The following CACNA1A variants were observed in gnomAD, a reference collection of about 807,000 sequenced individuals.
The protein encoded by CACNA1A is voltage-dependent P/Q-type calcium channel subunit alpha-1A.
In CACNA1A, 57 loss-of-function variants were observed where a neutral mutation model predicts 262.4. The ratio of observed to expected loss-of-function variants is 0.22; its 90% CI spans 0.18 to 0.27. The LOEUF (loss-of-function observed/expected upper bound fraction) is 0.27, where lower values mean the gene tolerates loss of function less well. CACNA1A is among the 10% of genes least tolerant of loss of function. The probability of loss-of-function intolerance (pLI) is 1.00; values close to 1 mark genes in which losing one functional copy is unlikely to be tolerated. For synonymous variants in CACNA1A, 1,431 were observed against 1,419.3 expected (o/e 1.01, Z -0.18); for missense variants, 2,526 against 3,562.8 (o/e 0.71, Z 7.41).
At chr19:13,245,351 C>T (rs879923445) in intron 30 of CACNA1A, 86 bp from the exon 31 acceptor site, 1 of 1,008,230 alleles carries the variant, frequency 9.9e-7, no homozygotes, top group Non-Finnish European at 1.6e-6. Context: ...GTTAGAGGCA[C>T]AGTTGCCCAT....
At chr19:13,313,762 C>T (rs7253025) in intron 11 of CACNA1A, among the ~76,000 whole-genome samples, 2 of 151,856 alleles carry the variant, frequency 1.3e-5, no homozygotes, top group African/African-American at 2.4e-5. Flanking sequence ...TGGACCATAA[C>T]GGCCCCATAA....
chr19:13,286,521 T>G lies in CACNA1A; in HGVS notation c.3535A>C (p.Asn1179His), dbSNP rs964526144. The G allele has an allele frequency of 6.5e-5, 65 of 1,007,356 alleles. No homozygotes were observed. The highest frequency in any genetic ancestry group is 8.2e-5 in the Non-Finnish European group (59 of 715,762). 62.4% of individuals were successfully genotyped at this position (1,007,356 alleles called of 1,614,324 possible). The change falls in exon 20 of 47, where the codon AAC (asparagine) becomes CAC (histidine). Residue 1179 changes from asparagine to histidine, a missense_variant. Transcript: ENST00000360228. ...DIPPACPPPL[N>H]HTVVQVNKNA... The stretch of plus-strand genomic sequence containing the variant: ...GTCTCACCTTGTACGACGGTGTGGT[T>G]GAGGGGGGGTGGGCAGGCTGGGGGG...
intron 3 of CACNA1A, among the ~76,000 whole-genome samples, chr19:13,375,866 A>G (rs1370052180): frequency 3.3e-5 from 5 of 152,210 alleles, no homozygotes; most frequent in Non-Finnish European, 2.9e-5. Context: ...AAAATTACTG[A>G]AGGAAATTAA....
intron 3 of CACNA1A, among the ~76,000 whole-genome samples, chr19:13,385,131 G>A (rs1210019905): frequency 6.6e-6 from 1 of 152,108 alleles, no homozygotes; most frequent in Non-Finnish European, 1.5e-5. Flanking sequence ...CATGTGGCTG[G>A]TGCATACATA....
At chr19:13,451,034 G>T (rs1230889824) in intron 3 of CACNA1A, 1 of 152,164 alleles carries the variant, frequency 6.6e-6, no homozygotes, top group East Asian at 1.9e-4. Context: ...TAGACTAAGA[G>T]AAAAGTGCCC....
At chr19:13,254,021 G>A (rs1219652337) in intron 29 of CACNA1A, among the ~76,000 whole-genome samples, 1 of 152,198 alleles carries the variant, frequency 6.6e-6, no homozygotes, top group Non-Finnish European at 1.5e-5. Context: ...TTACAGGTGT[G>A]AGCCACCTTG....
chr19:13,346,639 TATATATATA>T (rs2058774873), intron 6 of CACNA1A, among the ~76,000 whole-genome samples: 1 of 8,864 alleles, frequency 1.1e-4, no homozygotes, highest in African/African-American at 4.1e-4. Flanking sequence ...TATATATATA[TATATATATA>T]TATATATATA....
chr19:13,408,080 A>G (rs890654447), intron 3 of CACNA1A, among the ~76,000 whole-genome samples: 2 of 152,170 alleles, frequency 1.3e-5, no homozygotes, highest in African/African-American at 4.8e-5. Flanking sequence ...CCTTCCGCAC[A>G]GCCTGTGGAG....
At chr19:13,435,610 GT>G (rs1476814186) in intron 3 of CACNA1A, among the ~76,000 whole-genome samples, 1 of 152,092 alleles carries the variant, frequency 6.6e-6, no homozygotes, top group Non-Finnish European at 1.5e-5. Flanking sequence ...CAAGAAAGAT[GT>G]GCCTGGAGGA....
chr19:13,247,078 C>G (rs898030051), intron 30 of CACNA1A, among the ~76,000 whole-genome samples: 3 of 152,308 alleles, frequency 2.0e-5, no homozygotes, highest in South Asian at 4.1e-4. Flanking sequence ...GAGTCTGGGT[C>G]AAAGAGATGG....
At chr19:13,367,394 T>C (rs532046452) in intron 4 of CACNA1A, among the ~76,000 whole-genome samples, 1 of 151,216 alleles carries the variant, frequency 6.6e-6, no homozygotes, top group Admixed American at 6.6e-5. Context: ...TGTTGCTTTC[T>C]CTGTTCTGAG....
At position 13,390,191 on chromosome 19, in the gene CACNA1A, A is replaced by C. The variant is rs866037427; in HGVS notation, c.540-18412T>G. On this transcript the variant is annotated intron_variant, in intron 3 of 46. Coordinates refer to ENST00000360228, the MANE Select transcript of CACNA1A (RefSeq NM_001127222.2). ...GAGTGCAGCGGTGCGCTCATAGTTCACTGCAGCCTCAAATTCCTGGGCTCA... is the reference window on the plus strand; with the variant it reads ...GAGTGCAGCGGTGCGCTCATAGTTCCCTGCAGCCTCAAATTCCTGGGCTCA... 7.9e-5 allele frequency among the ~76,000 whole-genome samples: 12 copies of C among 151,390 alleles called. 1 individual carries two copies. In the South Asian group the frequency reaches 2.5e-3, roughly 32 times the overall value.
chr19:13,209,374 C>A lies in CACNA1A; in HGVS notation c.6464G>T (p.Arg2155Leu), dbSNP rs572722130. 6.8e-5 allele frequency: 95 copies of A among 1,389,252 alleles called. 1 individual carries two copies. In the African/African-American group the frequency reaches 8.5e-4, roughly 12 times the overall value. The allele number at this position is 1,389,252 out of a possible 1,614,324, so 86.1% of individuals were successfully genotyped here. A position where few individuals can be genotyped will look rare whatever the true frequency, so the allele number is the denominator to read the frequency against. The change falls in exon 45 of 47, where the codon CGC becomes CTC. Residue 2155 changes from arginine (R) to leucine (L), a missense_variant. This residue lies in a region of CACNA1A where 929 missense variants were observed against 868.1 expected (regional missense o/e 1.07). Transcript: ENST00000360228. The stretch of plus-strand genomic sequence containing the variant: ...AGAGGCGCGGTGGCTGCGGTCGCGG[C>A]GCCGCTGGTGGTGCCGCTGGTTCTC... ...PEENQRHHQR[R>L]RDRSHRASER... is the part of the protein sequence containing the mutation.
In CACNA1A at chr19:13,286,791, C is replaced by T. The variant is rs201311000; in HGVS notation, c.3265G>A (p.Gly1089Ser). Reference sequence around the variant, plus strand: ...ATCTTGGCTGGGCTCTGGGGCAGGCCGGCGTGGCCAAGGCTGCCGTGGGGA... The same window carrying T: ...ATCTTGGCTGGGCTCTGGGGCAGGCTGGCGTGGCCAAGGCTGCCGTGGGGA... ...AAPHGSLGHAGLPQSPAKMGN... is the reference protein window; with the variant it reads ...AAPHGSLGHASLPQSPAKMGN... The change falls in exon 20 of 47, where the codon GGC becomes AGC. Residue 1089 changes from glycine to serine, a missense_variant. Physicochemically the swap from Gly to Ser is moderately conservative, Grantham distance 56. Transcript: ENST00000360228. The T allele has an allele frequency of 3.8e-5, 62 of 1,612,540 alleles. No homozygotes were observed. In the East Asian group the frequency reaches 6.5e-4, roughly 17 times the overall value.
intron 1 of CACNA1A, among the ~76,000 whole-genome samples, chr19:13,500,296 C>T (rs1982222762): frequency 6.6e-6 from 1 of 152,172 alleles, no homozygotes; most frequent in East Asian, 1.9e-4. Flanking sequence ...TGGTGAAGAA[C>T]AGGGTAAAGA....
At chr19:13,393,245 C>T (rs2144659006) in intron 3 of CACNA1A, among the ~76,000 whole-genome samples, 1 of 152,326 alleles carries the variant, frequency 6.6e-6, no homozygotes, top group East Asian at 1.9e-4. Context: ...AAACTGCCCA[C>T]CATTAGTAGA....
chr19:13,406,020 G>A (rs780388512), intron 3 of CACNA1A, among the ~76,000 whole-genome samples: 3 of 152,188 alleles, frequency 2.0e-5, no homozygotes, highest in Non-Finnish European at 2.9e-5. Context: ...CCAGCTTTAT[G>A]GAGAACAGAG....
rs71170510 is a variant in CACNA1A at position 13,415,743 on chromosome 19, TAAAAAAAAAA to T, written c.539+37123_539+37132del. Reference sequence around the variant, plus strand: ...CAACAGAGCGAGACTCTGTCTCAATTAAAAAAAAAAAAAAAAAAAAAAAAAAAAAAGTAGA... The same window carrying T: ...CAACAGAGCGAGACTCTGTCTCAATTAAAAAAAAAAAAAAAAAAAAGTAGA... On this transcript the variant is annotated intron_variant, in intron 3 of 46. Transcript: ENST00000360228. Among the ~76,000 whole-genome samples the T allele has an allele frequency of 8.2e-3, 349 of 42,508 alleles. 8 individuals carry two copies. Among genetic ancestry groups the T allele is most frequent in the Middle Eastern group, 0.021 (1 of 48 alleles). 27.9% of individuals were successfully genotyped at this position (42,508 alleles called of 152,430 possible). A position where few individuals can be genotyped will look rare whatever the true frequency, so the allele number is the denominator to read the frequency against.
chr19:13,466,102 T>C (rs992807536), intron 1 of CACNA1A, among the ~76,000 whole-genome samples: 2 of 152,148 alleles, frequency 1.3e-5, no homozygotes, highest in Non-Finnish European at 2.9e-5. Flanking sequence ...GGTAGTTACA[T>C]AACAGTTGGA....
Sources: gnomAD v4.1 joint callset for allele counts (sites outside exome capture counted in the v4.1 genomes callset) on GRCh38, gnomAD v4.1.1 for gene constraint, gnomAD v4.1.1 regional missense constraint, MANE v1.5 for transcripts, NCBI Gene and HGNC (gene_info 2026-07-23, HGNC 2026-07-21) for gene names.